The following ADGRV1 variants were observed in gnomAD, a reference collection of about 807,000 sequenced individuals.
ADGRV1 encodes the protein adhesion G protein-coupled receptor V1.
In ADGRV1, 359 loss-of-function variants were observed where a neutral mutation model predicts 596.2. The observed-to-expected ratio is 0.60, with a 90% CI of 0.55 to 0.66. ADGRV1 has a LOEUF of 0.66. Among genes scored for constraint, ADGRV1 ranks in the 30% least tolerant of loss-of-function variants. The pLI is 0.00. For missense variants in ADGRV1, 7,274 were observed against 7,575.6 expected, an observed-to-expected ratio of 0.96 and a Z score of 1.48; for synonymous variants, 2,681 against 2,679.2, an observed-to-expected ratio of 1.00 and a Z score of -0.02.
At chr5:91,092,544 T>C (rs965096103) in intron 86 of ADGRV1, 31 of 152,192 alleles carry the variant, frequency 2.0e-4, no homozygotes, top group African/African-American at 7.2e-4. Context: ...AAGGGTTCTA[T>C]AGCCAAACAA....
chr5:90,807,830 C>T, intron 73 of ADGRV1, 93 bp downstream of exon 73: 3 of 1,131,134 alleles, frequency 2.7e-6, no homozygotes, highest in Non-Finnish European at 3.7e-6. Flanking sequence ...GGTTATTCTC[C>T]TTGAAGCAAA....
At chr5:90,688,424 C>A (rs1337520378) in intron 29 of ADGRV1, among the ~76,000 whole-genome samples, 1 of 152,178 alleles carries the variant, frequency 6.6e-6, no homozygotes, top group African/African-American at 2.4e-5. Flanking sequence ...GTGGTGTGAT[C>A]TTGGCTCACT....
chr5:91,076,246 G>A (rs1179364940), intron 86 of ADGRV1, among the ~76,000 whole-genome samples: 1 of 152,098 alleles, frequency 6.6e-6, no homozygotes, highest in Non-Finnish European at 1.5e-5. Flanking sequence ...CTTAGGAATT[G>A]CCTCTTTATG....
intron 87 of ADGRV1, among the ~76,000 whole-genome samples, chr5:91,117,784 C>T (rs1303030105): frequency 6.6e-6 from 1 of 152,052 alleles, no homozygotes; most frequent in Non-Finnish European, 1.5e-5. Context: ...ACAATAATTC[C>T]CTATCACTTA....
intron 83 of ADGRV1, among the ~76,000 whole-genome samples, chr5:90,914,381 C>T (rs1389439312): frequency 2.0e-5 from 3 of 152,106 alleles, no homozygotes; most frequent in African/African-American, 7.2e-5. Context: ...CTCATTTAAA[C>T]CTCACAACAA....
At chr5:90,935,372 A>G (rs10053303) in intron 83 of ADGRV1, among the ~76,000 whole-genome samples, 16,522 of 152,218 alleles carry the variant, frequency 0.11, 925 homozygotes, top group East Asian at 0.17. Flanking sequence ...GAGGCTGCTA[A>G]TGGCCAGGGG....
At chr5:91,004,773 G>C (rs1782135972) in intron 85 of ADGRV1, among the ~76,000 whole-genome samples, 1 of 152,208 alleles carries the variant, frequency 6.6e-6, no homozygotes, top group African/African-American at 2.4e-5. Context: ...GAATGGCCAT[G>C]ATGGTTAGGA....
chr5:91,122,051 T>C (rs1230336243), intron 87 of ADGRV1, among the ~76,000 whole-genome samples: 3 of 152,144 alleles, frequency 2.0e-5, no homozygotes, highest in Non-Finnish European at 4.4e-5. Flanking sequence ...AATCTAAAAA[T>C]GTTTTGGTGG....
rs2366926 is a variant in ADGRV1, at chr5:90,692,687, A to G, written c.7034A>G (p.Asn2345Ser). 0.34 allele frequency: 550,568 copies of G among 1,608,380 alleles called. 97,275 individuals carry two copies. The highest frequency in any genetic ancestry group is 0.54 in the Admixed American group (32,140 of 59,216). The change falls in exon 32 of 90, where the codon AAT becomes AGT. Residue 2345 changes from asparagine to serine, a missense_variant. Transcript: ENST00000405460. ...DRIANIIIPA[N>S]DDPYGTVAFA... ...ATTGCAAATATTATTATTCCTGCCA[A>G]TGATGATCCTTATGGTACAGTAGCC... is the stretch of plus-strand genomic sequence containing the variant.
intron 83 of ADGRV1, among the ~76,000 whole-genome samples, chr5:90,930,327 A>C (rs1775117295): frequency 1.3e-5 from 2 of 152,184 alleles, no homozygotes; most frequent in African/African-American, 4.8e-5. Context: ...GGCAAACTCC[A>C]AATAAGAAAC....
At chr5:90,856,247 T>C (rs1015020233) in intron 82 of ADGRV1, among the ~76,000 whole-genome samples, 2 of 152,210 alleles carry the variant, frequency 1.3e-5, no homozygotes, top group African/African-American at 4.8e-5. Context: ...CTATGTGAGA[T>C]ATTAAATAAT....
Position 90,628,704 on chromosome 5 carries a change from G to T in ADGRV1, c.1381G>T (p.Gly461Trp), listed in dbSNP as rs371572468. ...CTCTGGAGTTCTCCATTTTGCACAA[G>T]GGCAGATGTTGGCAACAATTCCTCT... The part of the protein sequence containing the change: ...PSSGVLHFAQ[G>W]QMLATIPLTV... The change falls in exon 8 of 90, where the codon GGG (glycine) becomes TGG (tryptophan). Residue 461 changes from glycine to tryptophan, a missense_variant. By Grantham distance (184) the Gly-to-Trp change is radical (BLOSUM62 -2). Transcript: ENST00000405460. 6.8e-6 allele frequency: 11 copies of T among 1,613,874 alleles called. No individual in the cohort carries two copies. The Admixed American group carries it at 1.8e-4, about 27-fold the overall frequency.
chr5:90,754,958 T>C, intron 54 of ADGRV1, 25 bp from the exon 55 acceptor site: 1 of 1,531,010 alleles, frequency 6.5e-7, no homozygotes, highest in Admixed American at 1.7e-5. Flanking sequence ...AAAGACTATT[T>C]ACTCGTGGCA....
At chr5:91,152,094 T>TCACCC (rs1796111677) in intron 88 of ADGRV1, among the ~76,000 whole-genome samples, 1 of 152,170 alleles carries the variant, frequency 6.6e-6, no homozygotes, top group Non-Finnish European at 1.5e-5. Context: ...CACTTGGGTG[T>TCACCC]TGTGCAACAG....
chr5:90,625,262 C>T lies in ADGRV1; in HGVS notation c.672+19C>T. 2 of 1,450,496 alleles carry T rather than the reference C, an allele frequency of 1.4e-6. No individual in the cohort carries two copies. Among genetic ancestry groups the T allele is most frequent in the South Asian group, 1.2e-5 (1 of 86,472 alleles). 89.9% of individuals were successfully genotyped at this position (1,450,496 alleles called of 1,614,324 possible). On this transcript the variant is annotated intron_variant, in intron 6 of 89. Coordinates refer to ENST00000405460, the MANE Select transcript of ADGRV1 (RefSeq NM_032119.4). ...TGACGAGGTTGGCTAATGTTACATA[C>T]CCAAATGGGACAAGGATTCTGTGTT...
At chr5:90,926,801 T>C (rs2150772413) in intron 83 of ADGRV1, among the ~76,000 whole-genome samples, 1 of 150,978 alleles carries the variant, frequency 6.6e-6, no homozygotes, top group Non-Finnish European at 1.5e-5. Context: ...ACACACTGCT[T>C]TGAATGCGTC....
intron 74 of ADGRV1, among the ~76,000 whole-genome samples, chr5:90,813,242 AG>A (rs1762613475): frequency 6.7e-6 from 1 of 149,506 alleles, no homozygotes; most frequent in South Asian, 2.2e-4. Flanking sequence ...GAATATAACC[AG>A]GGCTGATAGT....
intron 83 of ADGRV1, among the ~76,000 whole-genome samples, chr5:90,930,224 A>G (rs1215042788): frequency 6.6e-6 from 1 of 152,224 alleles, no homozygotes; most frequent in Non-Finnish European, 1.5e-5. Context: ...CAGATGTTCT[A>G]CTTTCTTATT....
chr5:91,056,973 A>G (rs1022638079), intron 85 of ADGRV1, among the ~76,000 whole-genome samples: 1 of 152,232 alleles, frequency 6.6e-6, no homozygotes, highest in Non-Finnish European at 1.5e-5. Context: ...AAATCGAGAA[A>G]TGCCCACTAA....
Sources: allele counts gnomAD v4.1 joint callset (sites outside exome capture counted in the v4.1 genomes callset), GRCh38; gene constraint gnomAD v4.1.1; transcripts MANE v1.5; gene names NCBI Gene and HGNC (gene_info 2026-07-23, HGNC 2026-07-21).